The following ELP4 variants were observed in gnomAD, a reference collection of about 807,000 sequenced individuals.
The protein encoded by ELP4 is elongator acetyltransferase complex subunit 4, also known as elongator complex protein 4.
ELP4 carries 51 observed loss-of-function variants against 48.9 expected under a neutral mutation model. That is an observed-to-expected ratio of 1.04 (90% CI 0.83 to 1.32). The LOEUF is 1.32. Ranked by LOEUF, ELP4 falls within the 40% of genes most tolerant of loss-of-function variation. The pLI, the probability that ELP4 is intolerant of heterozygous loss-of-function variation, is 0.00. For synonymous variants in ELP4, 210 were observed against 189.2 expected (o/e 1.11, Z -0.90); for missense variants, 519 against 514.6 (o/e 1.01, Z -0.08).
At chr11:31,741,695 A>G (rs1329310189) in intron 9 of ELP4, among the ~76,000 whole-genome samples, 1 of 152,226 alleles carries the variant, frequency 6.6e-6, no homozygotes, top group Non-Finnish European at 1.5e-5. Flanking sequence ...CCTGTCTGTT[A>G]GAAGGAAAAC....
In ELP4 at chr11:31,581,961, C is replaced by G. The variant is rs12225642; in HGVS notation, c.382-12809C>G. Among the ~76,000 whole-genome samples, 401 of 152,128 alleles carry G rather than the reference C, an allele frequency of 2.6e-3. 6 individuals are homozygous for G. In the East Asian group the frequency reaches 0.055, roughly 21 times the overall value. On this transcript the variant is annotated intron_variant, in intron 3 of 9. Coordinates refer to ENST00000640961, the MANE Select transcript of ELP4 (RefSeq NM_019040.5). ...TAGAGAAAGGATCTCACTGTTTTGC[C>G]CAGGCTGGTCTTAAATTTCTGGCCT...
intron 9 of ELP4, among the ~76,000 whole-genome samples, chr11:31,721,329 A>G (rs1201816932): frequency 6.6e-6 from 1 of 152,168 alleles, no homozygotes; most frequent in African/African-American, 2.4e-5. Context: ...TGATTTTGGT[A>G]TGCATGATTT....
chr11:31,763,679 G>T, intron 9 of ELP4: 2 of 995,826 alleles, frequency 2.0e-6, no homozygotes, highest in Non-Finnish European at 2.7e-6. Context: ...TTTTACCAAA[G>T]ATTAAACTTT....
intron 9 of ELP4, chr11:31,762,116 G>C (rs948518663): frequency 1.3e-5 from 2 of 152,086 alleles, no homozygotes; most frequent in African/African-American, 4.8e-5. Context: ...ATGGTAAGCA[G>C]ACTGAAACTA....
chr11:31,545,707 G>C (rs929866080), intron 3 of ELP4, among the ~76,000 whole-genome samples: 16 of 152,054 alleles, frequency 1.1e-4, no homozygotes, highest in Non-Finnish European at 1.9e-4. Context: ...TTGAAATGAA[G>C]GAAAAAATGT....
chr11:31,576,239 A>T (rs1183289959), intron 3 of ELP4, among the ~76,000 whole-genome samples: 1 of 152,368 alleles, frequency 6.6e-6, no homozygotes, highest in South Asian at 2.1e-4. Context: ...AAGAAGAGCT[A>T]ACTATCCTAA....
intron 9 of ELP4, among the ~76,000 whole-genome samples, chr11:31,682,283 A>G (rs1020806237): frequency 3.9e-5 from 6 of 152,184 alleles, no homozygotes; most frequent in Non-Finnish European, 8.8e-5. Flanking sequence ...TTAGTGGCCC[A>G]TCAATAAGAC....
chr11:31,682,125 A>G (rs1263507953), intron 9 of ELP4: 1 of 1,199,244 alleles, frequency 8.3e-7, no homozygotes, highest in South Asian at 1.5e-5. Flanking sequence ...TCAGCGTCCC[A>G]TCCAACTATG....
intron 9 of ELP4, among the ~76,000 whole-genome samples, chr11:31,706,073 T>G (rs1449627804): frequency 1.3e-5 from 2 of 152,098 alleles, no homozygotes; most frequent in Non-Finnish European, 2.9e-5. Flanking sequence ...AATATAATAT[T>G]TTTAATAAAA....
intron 3 of ELP4, among the ~76,000 whole-genome samples, chr11:31,569,218 A>G: frequency 6.6e-6 from 1 of 152,212 alleles, no homozygotes; most frequent in East Asian, 1.9e-4. Context: ...CTAAGTACTC[A>G]AAAGCATTTG....
chr11:31,748,206 T>G (rs893548324), intron 9 of ELP4, among the ~76,000 whole-genome samples: 4 of 152,124 alleles, frequency 2.6e-5, no homozygotes, highest in African/African-American at 9.7e-5. Flanking sequence ...TCTTATACAT[T>G]TAAACAGGTT....
chr11:31,551,877 A>G (rs1488563924), intron 3 of ELP4, among the ~76,000 whole-genome samples: 1 of 152,186 alleles, frequency 6.6e-6, no homozygotes, highest in African/African-American at 2.4e-5. Context: ...AAAACATATC[A>G]TGACCCTAAT....
intron 9 of ELP4, among the ~76,000 whole-genome samples, chr11:31,721,539 A>C (rs1322513242): frequency 6.6e-6 from 1 of 151,296 alleles, no homozygotes; most frequent in African/African-American, 2.4e-5. Flanking sequence ...CTGATTTTTC[A>C]TTCAACCCAT....
At chr11:31,548,407 A>T (rs1178655519) in intron 3 of ELP4, among the ~76,000 whole-genome samples, 1 of 151,428 alleles carries the variant, frequency 6.6e-6, no homozygotes, top group Non-Finnish European at 1.5e-5. Context: ...AGAATAAAAT[A>T]CCTAGGAATC....
chr11:31,570,774 G>A (rs549285639), intron 3 of ELP4, among the ~76,000 whole-genome samples: 2 of 147,090 alleles, frequency 1.4e-5, no homozygotes, highest in Admixed American at 6.8e-5. Flanking sequence ...CATTGTGCCT[G>A]GCCAAACTGT....
intron 9 of ELP4, among the ~76,000 whole-genome samples, chr11:31,687,498 C>T (rs917708387): frequency 2.6e-5 from 4 of 152,170 alleles, no homozygotes; most frequent in African/African-American, 7.2e-5. Flanking sequence ...ATATGAGGCT[C>T]ATAGGTGACC....
chr11:31,736,383 A>G (rs1021153332), intron 9 of ELP4, among the ~76,000 whole-genome samples: 2 of 152,218 alleles, frequency 1.3e-5, no homozygotes, highest in Non-Finnish European at 1.5e-5. Context: ...CTAGAAAAAA[A>G]CCTAGGTAAT....
intron 4 of ELP4, among the ~76,000 whole-genome samples, chr11:31,601,408 A>ATATCTAATTT: frequency 6.6e-6 from 1 of 152,122 alleles, no homozygotes; most frequent in Admixed American, 6.5e-5. Flanking sequence ...TTTAGCTACC[A>ATATCTAATTT]TATCTAATTT....
chr11:31,655,684 G>A (rs1945418545), intron 9 of ELP4, among the ~76,000 whole-genome samples: 1 of 152,018 alleles, frequency 6.6e-6, no homozygotes, highest in Non-Finnish European at 1.5e-5. Flanking sequence ...CGGTATTAAA[G>A]TTAGGGTTGA....
Sources: allele counts gnomAD v4.1 joint callset (sites outside exome capture counted in the v4.1 genomes callset), GRCh38; gene constraint gnomAD v4.1.1; transcripts MANE v1.5; gene names NCBI Gene and HGNC (gene_info 2026-07-23, HGNC 2026-07-21).